The following TAFA1 variants were observed in gnomAD, a reference collection of about 807,000 sequenced individuals.
TAFA1 encodes TAFA chemokine like family member 1, also known as chemokine-like protein TAFA-1.
In TAFA1, 4 loss-of-function variants were observed where a neutral mutation model predicts 18.5. The ratio of observed to expected loss-of-function variants is 0.22; its 90% CI spans 0.11 to 0.49. TAFA1 has a LOEUF of 0.49. Among genes scored for constraint, TAFA1 ranks in the 20% least tolerant of loss-of-function variants. The pLI is 0.98. For synonymous variants in TAFA1, 56 were observed against 55.2 expected, an observed-to-expected ratio of 1.01 and a Z score of -0.06; for missense variants, 147 against 169.0, an observed-to-expected ratio of 0.87 and a Z score of 0.72.
chr3:68,036,733 C>T (rs1705057645), intron 2 of TAFA1, among the ~76,000 whole-genome samples: 1 of 152,134 alleles, frequency 6.6e-6, no homozygotes, highest in African/African-American at 2.4e-5. Flanking sequence ...TCCTATTTAT[C>T]TATCTGCCCT....
chr3:68,361,654 G>A (rs1339687230), intron 2 of TAFA1, among the ~76,000 whole-genome samples: 8 of 148,264 alleles, frequency 5.4e-5, no homozygotes, highest in South Asian at 2.1e-4. Flanking sequence ...GAAAACAAAG[G>A]AAAAAAAAAA....
intron 2 of TAFA1, among the ~76,000 whole-genome samples, chr3:68,125,607 G>A (rs2065454778): frequency 1.3e-5 from 2 of 152,092 alleles, no homozygotes; most frequent in Admixed American, 1.3e-4. Flanking sequence ...CTAGCATGGG[G>A]CCAGTCACTG....
At chr3:68,466,669 C>G (rs1293752876) in intron 3 of TAFA1, among the ~76,000 whole-genome samples, 1 of 152,058 alleles carries the variant, frequency 6.6e-6, no homozygotes, top group Non-Finnish European at 1.5e-5. Context: ...GTTTTCAAGT[C>G]CTCTCGGACC....
chr3:68,138,701 C>G (rs1288305283), intron 2 of TAFA1, among the ~76,000 whole-genome samples: 2 of 152,160 alleles, frequency 1.3e-5, no homozygotes, highest in Admixed American at 6.5e-5. Context: ...GAAACTCCGT[C>G]TACATGAGCA....
intron 3 of TAFA1, among the ~76,000 whole-genome samples, chr3:68,498,272 C>T (rs2072587438): frequency 6.6e-6 from 1 of 152,088 alleles, no homozygotes; most frequent in African/African-American, 2.4e-5. Context: ...AGAAAGTCCT[C>T]AATAATTATT....
chr3:68,007,822 G>C (rs939024495), intron 2 of TAFA1, among the ~76,000 whole-genome samples: 1 of 152,130 alleles, frequency 6.6e-6, no homozygotes, highest in Non-Finnish European at 1.5e-5. Flanking sequence ...CTCCTCAGTC[G>C]GCCTGGACAC....
intron 2 of TAFA1, among the ~76,000 whole-genome samples, chr3:68,180,594 T>G (rs1020541763): frequency 1.3e-5 from 2 of 152,154 alleles, no homozygotes; most frequent in Admixed American, 6.5e-5. Flanking sequence ...AGGAGGTGAG[T>G]AGTGTCTGCC....
At position 68,544,342 on chromosome 3, in the gene TAFA1, C is replaced by T. The variant is rs77715992; in HGVS notation, c.385-144C>T. ...ACCATTTGAAAATGACTGCTCTAAA[C>T]TTTAAGATTTTTGACTTCAGATCAC... On this transcript the variant is annotated intron_variant, in intron 4 of 4. Coordinates refer to ENST00000478136, the MANE Select transcript of TAFA1 (RefSeq NM_213609.4). 6.4e-3 allele frequency: 4,712 copies of T among 735,714 alleles called. 80 individuals carry two copies. The highest frequency in any genetic ancestry group is 0.056 in the East Asian group (2,041 of 36,582). 45.6% of individuals were successfully genotyped at this position (735,714 alleles called of 1,614,324 possible). A position where few individuals can be genotyped will look rare whatever the true frequency, so the allele number is the denominator to read the frequency against.
chr3:68,202,647 C>A (rs919454179), intron 2 of TAFA1, among the ~76,000 whole-genome samples: 1 of 151,596 alleles, frequency 6.6e-6, no homozygotes, highest in African/African-American at 2.4e-5. Flanking sequence ...CAATATACCA[C>A]TTTATGGGTA....
chr3:68,490,854 G>A (rs1298366059), intron 3 of TAFA1, among the ~76,000 whole-genome samples: 3 of 131,818 alleles, frequency 2.3e-5, no homozygotes, highest in Non-Finnish European at 5.0e-5. Context: ...TTTTTTTGTG[G>A]GGGGGACAGG....
chr3:68,515,230 A>C (rs539363716), intron 3 of TAFA1, among the ~76,000 whole-genome samples: 415 of 152,232 alleles, frequency 2.7e-3, no homozygotes, highest in African/African-American at 9.7e-3. Context: ...GGGTGGGTGG[A>C]AGCTGCAAAA....
chr3:68,529,679 G>A (rs1259521355), intron 3 of TAFA1, among the ~76,000 whole-genome samples: 1 of 152,144 alleles, frequency 6.6e-6, no homozygotes, highest in Non-Finnish European at 1.5e-5. Flanking sequence ...GGAGCTGTGT[G>A]TGCAGAGACC....
chr3:68,249,383 T>TC (rs1348501541), intron 2 of TAFA1, among the ~76,000 whole-genome samples: 2 of 152,120 alleles, frequency 1.3e-5, no homozygotes, highest in Non-Finnish European at 2.9e-5. Flanking sequence ...GAAAATGTCT[T>TC]CCCCAGCTGT....
intron 2 of TAFA1, among the ~76,000 whole-genome samples, chr3:68,075,294 C>G (rs563124077): frequency 1.3e-5 from 2 of 152,144 alleles, no homozygotes; most frequent in Admixed American, 6.5e-5. Flanking sequence ...ACTCTTACTC[C>G]TAGGCTAATA....
chr3:68,059,161 A>T (rs1044035534), intron 2 of TAFA1, among the ~76,000 whole-genome samples: 4 of 152,144 alleles, frequency 2.6e-5, no homozygotes, highest in Admixed American at 6.6e-5. Flanking sequence ...CAATTGGAGG[A>T]CTATGACTTA....
chr3:68,227,431 T>C (rs2066816035), intron 2 of TAFA1, among the ~76,000 whole-genome samples: 1 of 152,172 alleles, frequency 6.6e-6, no homozygotes, highest in African/African-American at 2.4e-5. Context: ...AGAACATAAT[T>C]ATGTGGGCTG....
intron 2 of TAFA1, among the ~76,000 whole-genome samples, chr3:68,324,166 C>T (rs1450163037): frequency 6.6e-6 from 1 of 151,952 alleles, no homozygotes; most frequent in East Asian, 1.9e-4. Flanking sequence ...ATAATATAGA[C>T]TTTTTTTCAT....
chr3:68,029,031 G>T (rs895328145), intron 2 of TAFA1, among the ~76,000 whole-genome samples: 1 of 152,018 alleles, frequency 6.6e-6, no homozygotes, highest in Non-Finnish European at 1.5e-5. Flanking sequence ...GGGATTAGAC[G>T]CATGAGCCAC....
At chr3:68,357,151 A>C (rs1178937449) in intron 2 of TAFA1, among the ~76,000 whole-genome samples, 4 of 151,992 alleles carry the variant, frequency 2.6e-5, no homozygotes, top group Non-Finnish European at 4.4e-5. Context: ...CTAAGTCTCC[A>C]AGAACTGCAC....
Sources: gnomAD v4.1 joint callset for allele counts (sites outside exome capture counted in the v4.1 genomes callset) on GRCh38, gnomAD v4.1.1 for gene constraint, MANE v1.5 for transcripts, NCBI Gene and HGNC (gene_info 2026-07-23, HGNC 2026-07-21) for gene names.